FRMD8: variants seen among roughly 807,000 people sequenced by gnomAD.
The protein encoded by FRMD8 is FERM domain-containing protein 8.
FRMD8 carries 37 observed loss-of-function variants against 54.2 expected under a neutral mutation model. That is an observed-to-expected ratio of 0.68 (90% confidence interval 0.53 to 0.90). The LOEUF is 0.90. FRMD8 is among the 40% of genes least tolerant of loss of function. FRMD8 has a pLI of 0.00. For synonymous variants in FRMD8, 246 were observed against 286.9 expected, an observed-to-expected ratio of 0.86 and a Z score of 1.44; for missense variants, 585 against 653.7, an observed-to-expected ratio of 0.89 and a Z score of 1.15.
At position 65,405,008 on chromosome 11, in the gene FRMD8, C is replaced by A. The variant is rs1198750529; in HGVS notation, c.1216C>A (p.Gln406Lys). The change falls in exon 10 of 11, where the codon CAG (glutamine) becomes AAG (lysine). Residue 406 changes from glutamine (Q) to lysine (K), a missense_variant. Gln to Lys is a moderately conservative substitution (Grantham distance 53). Coordinates refer to ENST00000317568, the MANE Select transcript of FRMD8 (RefSeq NM_031904.5). ...APVQRPKLRRQGSVVSSRIQH... is the reference protein window; with the variant it reads ...APVQRPKLRRKGSVVSSRIQH... ...TGTTCAGCGCCCCAAGCTGCGGAGGCAGGGCAGTGTGGTGTCCAGCCGGAT... is the reference window on the plus strand; with the variant it reads ...TGTTCAGCGCCCCAAGCTGCGGAGGAAGGGCAGTGTGGTGTCCAGCCGGAT... 2 of 1,613,398 alleles carry A rather than the reference C, an allele frequency of 1.2e-6. No individual in the cohort carries two copies. Among genetic ancestry groups the A allele is most frequent in the Non-Finnish European group, 1.7e-6 (2 of 1,180,038 alleles).
At chr11:65,402,908 T>A (rs1856112587) in intron 9 of FRMD8, among the ~76,000 whole-genome samples, 1 of 152,188 alleles carries the variant, frequency 6.6e-6, no homozygotes, top group South Asian at 2.1e-4. Context: ...TATAATTGTT[T>A]TTGTTTTTTT....
chr11:65,387,361 A>G, intron 2 of FRMD8: 2 of 625,168 alleles, frequency 3.2e-6, no homozygotes, highest in Non-Finnish European at 5.7e-6. Flanking sequence ...TGAAATTCAA[A>G]TGAGATTATA....
upstream of FRMD8, among the ~76,000 whole-genome samples, chr11:65,385,800 AT>A (rs550885962): frequency 0.016 from 2,322 of 145,276 alleles, 27 homozygotes; most frequent in South Asian, 0.081. Context: ...ATATATATAA[AT>A]TTTTTTTTTT....
At chr11:65,399,973 G>A in intron 8 of FRMD8, 114 bp downstream of exon 8, 1 of 1,287,326 alleles carries the variant, frequency 7.8e-7, no homozygotes. Flanking sequence ...GGACTGTCTG[G>A]GAGGGACCCT....
chr11:65,390,222 A>T (rs1015940558), intron 3 of FRMD8, among the ~76,000 whole-genome samples: 4 of 152,000 alleles, frequency 2.6e-5, no homozygotes, highest in African/African-American at 9.7e-5. Flanking sequence ...GGAGGGACTT[A>T]AGGGCGGTGG....
chr11:65,385,212 G>C (rs561727721), upstream of FRMD8, among the ~76,000 whole-genome samples: 2 of 152,284 alleles, frequency 1.3e-5, no homozygotes, highest in South Asian at 2.1e-4. Flanking sequence ...GTGTGTCCTG[G>C]TCTGAGGGTC....
At chr11:65,403,944 T>G (rs1313222839) in intron 9 of FRMD8, among the ~76,000 whole-genome samples, 1 of 152,302 alleles carries the variant, frequency 6.6e-6, no homozygotes, top group East Asian at 1.9e-4. Context: ...CACTGCCCTT[T>G]GGCTGGTGGA....
At chr11:65,379,720 G>T in the FRMD8 span, 3 of 1,267,700 alleles carry the variant, frequency 2.4e-6, no homozygotes, top group African/African-American at 1.5e-5. Context: ...CCTCTGGGGT[G>T]CTAAGCTACC....
chr11:65,376,002 G>A, the FRMD8 span: 3 of 184,574 alleles, frequency 1.6e-5, no homozygotes, highest in East Asian at 1.4e-4. Flanking sequence ...GTGGAAAGGC[G>A]GAGGTTGCAG....
intron 3 of FRMD8, among the ~76,000 whole-genome samples, chr11:65,393,220 C>T (rs1855877733): frequency 6.6e-6 from 1 of 152,232 alleles, no homozygotes; most frequent in Admixed American, 6.5e-5. Context: ...TCCAGTTCTG[C>T]TTCCTGATGG....
At chr11:65,374,447 A>G in the FRMD8 span, among the ~76,000 whole-genome samples, 2 of 152,158 alleles carry the variant, frequency 1.3e-5, no homozygotes, top group African/African-American at 4.8e-5. Context: ...CAAGTTACAT[A>G]ATGTCTCTGA....
At chr11:65,377,138 A>T in the FRMD8 span, 3 of 1,551,428 alleles carry the variant, frequency 1.9e-6, no homozygotes, top group Non-Finnish European at 2.6e-6. Flanking sequence ...GGCCCCTTAT[A>T]TTCACAAGAG....
chr11:65,392,494 C>T (rs1855865449), intron 3 of FRMD8, among the ~76,000 whole-genome samples: 1 of 152,182 alleles, frequency 6.6e-6, no homozygotes, highest in African/African-American at 2.4e-5. Flanking sequence ...GGCCTCACAC[C>T]TCTCAAAGGC....
chr11:65,385,810 T>G (rs1302823052), upstream of FRMD8, among the ~76,000 whole-genome samples: 1 of 151,774 alleles, frequency 6.6e-6, no homozygotes. Context: ...ATTTTTTTTT[T>G]TTTTCAGACG....
chr11:65,386,705 G>C lies in FRMD8; in HGVS notation c.-57G>C. 3.1e-6 allele frequency: 1 copy of C among 326,184 alleles called. No individual in the cohort carries two copies. The highest frequency in any genetic ancestry group is 5.6e-6 in the Non-Finnish European group (1 of 177,998). The allele number at this position is 326,184 out of a possible 1,614,324, so 20.2% of individuals were successfully genotyped here. On this transcript the variant is annotated 5_prime_UTR_variant, in exon 1 of 11. Transcript: ENST00000317568. Reference sequence around the variant, plus strand: ...GGGCGGTGGCGGGCTTGGCGGCGGGGCAGGATTCCAGGCAGGAGCCTTGCC... The same window carrying C: ...GGGCGGTGGCGGGCTTGGCGGCGGGCCAGGATTCCAGGCAGGAGCCTTGCC...
At chr11:65,389,245 C>T in intron 2 of FRMD8, 116 bp from the exon 3 acceptor site, 1 of 984,476 alleles carries the variant, frequency 1.0e-6, no homozygotes, top group Admixed American at 1.9e-5. Flanking sequence ...CTGGTCACCC[C>T]TGAGGGGTGT....
chr11:65,405,617 C>T (rs1396458771), intron 10 of FRMD8, among the ~76,000 whole-genome samples: 1 of 151,926 alleles, frequency 6.6e-6, no homozygotes, highest in Non-Finnish European at 1.5e-5. Flanking sequence ...AGCAAGACTC[C>T]GTCTCAAAAA....
chr11:65,400,464 T>TCCCCCACGTGCCTCCC lies in FRMD8; in HGVS notation c.928-257_928-242dup, dbSNP rs1856050006. Among the ~76,000 whole-genome samples, 1 of 152,068 alleles carries TCCCCCACGTGCCTCCC rather than the reference T, an allele frequency of 6.6e-6. No homozygotes were observed. Among genetic ancestry groups the TCCCCCACGTGCCTCCC allele is most frequent in the African/African-American group, 2.4e-5 (1 of 41,398 alleles). On this transcript the variant is annotated intron_variant, in intron 8 of 10. Transcript: ENST00000317568. This position sits in a 1 kb window ranked among gnomAD's most constrained non-coding sequence, Gnocchi z 4.3. Reference sequence around the variant, plus strand: ...AGACTCCGCTTCCCCACCTGCCTCCTCCCCCACGTGCCTCCCCCGCTGTCA... The same window carrying TCCCCCACGTGCCTCCC: ...AGACTCCGCTTCCCCACCTGCCTCCTCCCCCACGTGCCTCCCCCCCCACGTGCCTCCCCCGCTGTCA...
chr11:65,396,296 C>G (rs545960972), intron 6 of FRMD8, among the ~76,000 whole-genome samples: 1 of 152,156 alleles, frequency 6.6e-6, no homozygotes, highest in African/African-American at 2.4e-5. Context: ...AGGTGGGGCC[C>G]GGGTTCCTGT....
Sources: gnomAD v4.1 joint callset for allele counts (sites outside exome capture counted in the v4.1 genomes callset) on GRCh38, gnomAD v4.1.1 for gene constraint, Gnocchi (gnomAD v3.1) non-coding constraint, MANE v1.5 for transcripts, NCBI Gene and HGNC (gene_info 2026-07-23, HGNC 2026-07-21) for gene names.